SYN3: variants seen among roughly 807,000 people sequenced by gnomAD.
The protein encoded by SYN3 is synapsin III.
In SYN3, 35 loss-of-function variants were observed where a neutral mutation model predicts 65.8. The ratio of observed to expected loss-of-function variants is 0.53; its 90% CI spans 0.41 to 0.70. The LOEUF is 0.70. Among genes scored for constraint, SYN3 ranks in the 30% least tolerant of loss-of-function variants. The pLI is 0.00. For missense variants in SYN3, 680 were observed against 749.0 expected, an observed-to-expected ratio of 0.91 and a Z score of 1.08; for synonymous variants, 270 against 292.9, an observed-to-expected ratio of 0.92 and a Z score of 0.80.
Position 32,704,254 on chromosome 22 carries a change from G to T in SYN3, c.712-107518C>A, listed in dbSNP as rs1399356453. Among the ~76,000 whole-genome samples the T allele has an allele frequency of 4.0e-5, 6 of 151,836 alleles. No individual in the cohort carries two copies. The East Asian group carries it at 9.7e-4, about 25-fold the overall frequency. On this transcript the variant is annotated intron_variant, in intron 6 of 13. Coordinates refer to ENST00000358763, the MANE Select transcript of SYN3 (RefSeq NM_003490.4). ...GCTCAAACAGGCTCCAGTGTCTGTT[G>T]TCCCCCTTTGTGTTCATGTGTTCAC...
chr22:33,008,123 G>C (rs1241297089), intron 1 of SYN3, among the ~76,000 whole-genome samples: 1 of 152,142 alleles, frequency 6.6e-6, no homozygotes, highest in African/African-American at 2.4e-5. Context: ...TTTTAGTAGA[G>C]ATGAGGTTTC....
At chr22:32,800,658 T>C (rs2046544627) in intron 6 of SYN3, among the ~76,000 whole-genome samples, 1 of 152,234 alleles carries the variant, frequency 6.6e-6, no homozygotes. Context: ...CTGGTTTTAC[T>C]ACAGTTTTGG....
At chr22:32,612,101 C>A (rs2146691713) in intron 6 of SYN3, among the ~76,000 whole-genome samples, 1 of 152,268 alleles carries the variant, frequency 6.6e-6, no homozygotes, top group South Asian at 2.1e-4. Flanking sequence ...GTCCTTGGGA[C>A]CCTTCTGGAT....
intron 6 of SYN3, among the ~76,000 whole-genome samples, chr22:32,641,520 A>C (rs1236746962): frequency 1.4e-5 from 2 of 147,888 alleles, no homozygotes; most frequent in African/African-American, 5.0e-5. Context: ...AGGCAGGAGA[A>C]TGTTGTGAAC....
At chr22:32,890,059 T>C (rs1258117304) in intron 4 of SYN3, among the ~76,000 whole-genome samples, 2 of 148,628 alleles carry the variant, frequency 1.3e-5, no homozygotes, top group Admixed American at 6.8e-5. Context: ...GGGTAATTAT[T>C]GAGATTTAGC....
At chr22:32,621,825 G>C (rs911089099) in intron 6 of SYN3, among the ~76,000 whole-genome samples, 11 of 152,310 alleles carry the variant, frequency 7.2e-5, no homozygotes, top group African/African-American at 2.4e-4. Context: ...CTGAGGCTCA[G>C]AGAAATTAAG....
At chr22:32,563,611 GAA>G (rs2058617505) in intron 7 of SYN3, among the ~76,000 whole-genome samples, 1 of 152,214 alleles carries the variant, frequency 6.6e-6, no homozygotes, top group African/African-American at 2.4e-5. Flanking sequence ...GAGGACCCTG[GAA>G]AAGTTGATGG....
At chr22:32,698,547 G>T (rs16991027) in intron 6 of SYN3, among the ~76,000 whole-genome samples, 2,310 of 152,180 alleles carry the variant, frequency 0.015, 53 homozygotes, top group African/African-American at 0.053. Context: ...TGTTGTTGTT[G>T]TTTGAAGGAC....
intron 6 of SYN3, among the ~76,000 whole-genome samples, chr22:32,761,829 C>G (rs1462318395): frequency 6.6e-6 from 1 of 152,180 alleles, no homozygotes; most frequent in Admixed American, 6.6e-5. Context: ...AACCCTCAAA[C>G]ATTAGTGTCT....
intron 7 of SYN3, among the ~76,000 whole-genome samples, chr22:32,557,309 A>AG (rs1569035962): frequency 6.7e-6 from 1 of 149,876 alleles, no homozygotes; most frequent in Admixed American, 6.6e-5. Context: ...TCACAAGGGG[A>AG]GGGGGGATGG....
intron 1 of SYN3, among the ~76,000 whole-genome samples, chr22:33,033,595 T>G (rs1176048797): frequency 6.6e-6 from 1 of 152,144 alleles, no homozygotes; most frequent in African/African-American, 2.4e-5. Context: ...CTAGTCTCAC[T>G]GCCTCACCCA....
intron 6 of SYN3, among the ~76,000 whole-genome samples, chr22:32,844,860 G>A (rs1437252917): frequency 1.3e-5 from 2 of 151,814 alleles, no homozygotes; most frequent in African/African-American, 2.4e-5. Flanking sequence ...ACAGATACAC[G>A]GCACCATGCC....
At chr22:32,947,864 G>A (rs2051161260) in intron 3 of SYN3, among the ~76,000 whole-genome samples, 1 of 152,206 alleles carries the variant, frequency 6.6e-6, no homozygotes, top group Admixed American at 6.5e-5. Context: ...TCTGTTCTGT[G>A]TTGCACATGG....
intron 7 of SYN3, among the ~76,000 whole-genome samples, chr22:32,579,743 G>A (rs2058908984): frequency 2.0e-5 from 3 of 152,180 alleles, no homozygotes; most frequent in African/African-American, 7.2e-5. Context: ...GCCAGAAGGG[G>A]TGGTGGGAAG....
At chr22:33,027,637 C>CAAAGAGAG (rs150706198) in intron 1 of SYN3, among the ~76,000 whole-genome samples, 8 of 149,746 alleles carry the variant, frequency 5.3e-5, no homozygotes, top group East Asian at 2.0e-4. Flanking sequence ...GACAGACAGA[C>CAAAGAGAG]AGAGAGAGAG....
intron 3 of SYN3, among the ~76,000 whole-genome samples, chr22:32,942,789 G>A (rs530872521): frequency 4.6e-5 from 7 of 152,284 alleles, no homozygotes; most frequent in African/African-American, 1.4e-4. Flanking sequence ...CGAGAACTAC[G>A]TGACGAATGC....
At chr22:32,671,955 A>T (rs1344318475) in intron 6 of SYN3, among the ~76,000 whole-genome samples, 2 of 152,266 alleles carry the variant, frequency 1.3e-5, no homozygotes, top group Non-Finnish European at 2.9e-5. Context: ...TGTCCCTCAC[A>T]AGTTGTCAGC....
At chr22:32,966,457 G>C (rs1030253223) in intron 3 of SYN3, among the ~76,000 whole-genome samples, 1 of 152,130 alleles carries the variant, frequency 6.6e-6, no homozygotes, top group African/African-American at 2.4e-5. Flanking sequence ...GGAAAGGCAG[G>C]CAGGGGCAAG....
At chr22:32,835,019 T>A (rs895021466) in intron 6 of SYN3, among the ~76,000 whole-genome samples, 1 of 152,240 alleles carries the variant, frequency 6.6e-6, no homozygotes, top group African/African-American at 2.4e-5. Flanking sequence ...CTTGGTCTGA[T>A]TGCTGTACCC....
Sources: gnomAD v4.1 joint callset for allele counts (sites outside exome capture counted in the v4.1 genomes callset) on GRCh38, gnomAD v4.1.1 for gene constraint, MANE v1.5 for transcripts, NCBI Gene and HGNC (gene_info 2026-07-23, HGNC 2026-07-21) for gene names.